The following DYNC2LI1 variants were observed in gnomAD, a reference collection of about 807,000 sequenced individuals.
The protein encoded by DYNC2LI1 is cytoplasmic dynein 2 light intermediate chain 1.
Under a neutral mutation model 51.9 loss-of-function variants are expected in DYNC2LI1, and 45 were observed. The observed-to-expected ratio is 0.87, with a 90% CI of 0.68 to 1.11. DYNC2LI1 has a LOEUF of 1.11. Ranked by LOEUF, DYNC2LI1 falls within the 50% of genes most tolerant of loss-of-function variation. The pLI is 0.00. For synonymous variants in DYNC2LI1, 130 were observed against 137.8 expected (o/e 0.94, Z 0.40); for missense variants, 490 against 417.4 (o/e 1.17, Z -1.51).
chr2:43,815,815 T>C, the DYNC2LI1 span, among the ~76,000 whole-genome samples: 14 of 148,302 alleles, frequency 9.4e-5, no homozygotes, highest in African/African-American at 2.8e-4. Context: ...TGACCATGAA[T>C]GAGACAGGTC....
At chr2:43,810,145 A>C (rs1666432273), downstream of DYNC2LI1, 1 of 352,920 alleles carries the variant, frequency 2.8e-6, no homozygotes, top group Admixed American at 6.4e-5. Flanking sequence ...CATTCTTTCT[A>C]AAAGGCATTC....
the DYNC2LI1 span, among the ~76,000 whole-genome samples, chr2:43,815,293 T>C: frequency 6.6e-6 from 1 of 152,188 alleles, no homozygotes; most frequent in Middle Eastern, 3.2e-3. Flanking sequence ...AATCAAAAGG[T>C]ATAAAATTCT....
chr2:43,825,311 C>T, the DYNC2LI1 span, among the ~76,000 whole-genome samples: 1 of 152,162 alleles, frequency 6.6e-6, no homozygotes, highest in Non-Finnish European at 1.5e-5. Flanking sequence ...ACAAGCATGA[C>T]TGGACCTGGG....
chr2:43,824,728 T>C, the DYNC2LI1 span: 1 of 927,178 alleles, frequency 1.1e-6, no homozygotes, highest in Non-Finnish European at 1.3e-6. Context: ...TAGTCATCTC[T>C]GGCAAGTTCA....
the DYNC2LI1 span, among the ~76,000 whole-genome samples, chr2:43,817,821 A>G: frequency 1.3e-5 from 2 of 151,830 alleles, no homozygotes; most frequent in East Asian, 3.9e-4. Flanking sequence ...GAGGCAGGAA[A>G]ATCGCTTGAA....
chr2:43,774,203 G>A (rs1186731758), intron 1 of DYNC2LI1, 57 bp downstream of exon 1: 3 of 1,607,426 alleles, frequency 1.9e-6, no homozygotes, highest in African/African-American at 1.3e-5. Context: ...CCTGGAGAGA[G>A]GAAGCCCAGG....
chr2:43,776,798 A>G lies in DYNC2LI1; in HGVS notation c.25A>G (p.Ile9Val), dbSNP rs1315984733. 2 of 1,585,180 alleles carry G rather than the reference A, an allele frequency of 1.3e-6. No individual in the cohort carries two copies. Among genetic ancestry groups the G allele is most frequent in the East Asian group, 4.6e-5 (2 of 43,370 alleles). Residue 9 changes from isoleucine (I) to valine (V), a missense_variant, in exon 2 of 13, where the codon ATT (isoleucine) becomes GTT (valine). Transcript: ENST00000260605. ...CTCATGTAGTGAAACTCTCTGGGAA[A>G]TTGCAAAAGCTGAAGTGGAAAAAAG... MPSETLWEIAKAEVEKRGI... is the reference protein window; with the variant it reads MPSETLWEVAKAEVEKRGI...
intron 3 of DYNC2LI1, among the ~76,000 whole-genome samples, chr2:43,786,120 A>G (rs1673509957): frequency 2.0e-5 from 3 of 152,264 alleles, no homozygotes; most frequent in African/African-American, 2.4e-5. Context: ...TTTATTAACT[A>G]TCATTATCTA....
chr2:43,813,287 T>C (rs1389857568), downstream of DYNC2LI1: 1 of 1,613,598 alleles, frequency 6.2e-7, no homozygotes, highest in African/African-American at 1.3e-5. Flanking sequence ...TTGGATTAGT[T>C]GTCACAGAAA....
intron 6 of DYNC2LI1, chr2:43,795,261 T>C (rs982898096): frequency 1.5e-5 from 14 of 923,798 alleles, no homozygotes; most frequent in Non-Finnish European, 1.8e-5. Context: ...ATCCCAGCAC[T>C]TTGGGTGGCC....
In DYNC2LI1 at chr2:43,809,811, C is replaced by G; in HGVS notation, c.*44C>G. On this transcript the variant is annotated 3_prime_UTR_variant, in exon 13 of 13. Transcript: ENST00000260605. ...ATATTTATTTCTTCTTTTCCAAATA[C>G]AAATAAGATTATACTGTGAATTAAC... The G allele has an allele frequency of 4.5e-6, 7 of 1,566,026 alleles. No homozygotes were observed. Among genetic ancestry groups the G allele is most frequent in the Non-Finnish European group, 5.2e-6 (6 of 1,155,252 alleles).
chr2:43,827,947 A>G, the DYNC2LI1 span: 1 of 1,612,876 alleles, frequency 6.2e-7, no homozygotes, highest in Non-Finnish European at 8.5e-7. Flanking sequence ...GAAGATGCCC[A>G]GACAGCAGCT....
intron 1 of DYNC2LI1, among the ~76,000 whole-genome samples, 180 bp from the exon 2 acceptor site, chr2:43,776,602 A>G (rs1175627538): frequency 6.6e-6 from 1 of 152,248 alleles, no homozygotes; most frequent in Non-Finnish European, 1.5e-5. Context: ...TCAAAGCAAC[A>G]AAAGAAAAAT....
intron 2 of DYNC2LI1, among the ~76,000 whole-genome samples, chr2:43,782,141 A>C (rs997466898): frequency 1.3e-5 from 2 of 152,188 alleles, no homozygotes; most frequent in African/African-American, 2.4e-5. Context: ...ATTGTCATTC[A>C]TAATAGCTGT....
intron 5 of DYNC2LI1, among the ~76,000 whole-genome samples, chr2:43,789,979 A>C (rs1424030527): frequency 1.3e-5 from 2 of 152,230 alleles, no homozygotes; most frequent in Admixed American, 1.3e-4. Context: ...AAACAAACAA[A>C]AATACATCAA....
downstream of DYNC2LI1, chr2:43,814,701 C>A (rs1572740157): frequency 1.6e-6 from 1 of 644,320 alleles, no homozygotes; most frequent in East Asian, 2.8e-5. Context: ...TTTCTATCTC[C>A]TTATTATAAA....
chr2:43,787,729 T>C (rs1411496395), intron 4 of DYNC2LI1, among the ~76,000 whole-genome samples: 4 of 152,216 alleles, frequency 2.6e-5, no homozygotes, highest in Non-Finnish European at 4.4e-5. Flanking sequence ...TGATAAACTC[T>C]TCAGGATAGA....
At chr2:43,780,447 C>A (rs141172280) in intron 2 of DYNC2LI1, among the ~76,000 whole-genome samples, 8 of 152,062 alleles carry the variant, frequency 5.3e-5, no homozygotes, top group African/African-American at 1.4e-4. Context: ...TAAACTGATA[C>A]GAGCCTCTGA....
the DYNC2LI1 span, among the ~76,000 whole-genome samples, chr2:43,818,773 C>A: frequency 6.6e-6 from 1 of 152,198 alleles, no homozygotes; most frequent in Non-Finnish European, 1.5e-5. Flanking sequence ...TTTATAATAT[C>A]TCACTTCGTA....
Sources: allele counts gnomAD v4.1 joint callset (sites outside exome capture counted in the v4.1 genomes callset), GRCh38; gene constraint gnomAD v4.1.1; transcripts MANE v1.5; gene names NCBI Gene and HGNC (gene_info 2026-07-23, HGNC 2026-07-21).